The following TPRG1 variants were observed in gnomAD, a reference collection of about 807,000 sequenced individuals.
TPRG1 encodes the protein tumor protein p63-regulated gene 1 protein.
A neutral mutation model predicts 29.3 loss-of-function variants in TPRG1; 29 were observed. The ratio of observed to expected loss-of-function variants is 0.99; its 90% CI spans 0.74 to 1.35. The LOEUF (loss-of-function observed/expected upper bound fraction) is 1.35. Among genes scored for constraint, TPRG1 ranks in the 40% most tolerant of loss-of-function variants. The probability of loss-of-function intolerance (pLI) is 0.00; values close to 1 mark genes in which losing one functional copy is unlikely to be tolerated. For missense variants in TPRG1, 327 were observed against 335.0 expected (o/e 0.98, Z 0.19); for synonymous variants, 130 against 116.8 (o/e 1.11, Z -0.73).
intron 4 of TPRG1, among the ~76,000 whole-genome samples, chr3:189,241,242 C>T (rs1033032064): frequency 2.0e-5 from 3 of 152,116 alleles, no homozygotes; most frequent in Non-Finnish European, 4.4e-5. Flanking sequence ...TTTCCACACA[C>T]CCACACCAAT....
At chr3:189,088,646 T>C (rs892245706) in intron 4 of TPRG1, among the ~76,000 whole-genome samples, 1 of 152,178 alleles carries the variant, frequency 6.6e-6, no homozygotes, top group African/African-American at 2.4e-5. Context: ...TAATAAATCA[T>C]CTATATCTAT....
intron 1 of TPRG1, among the ~76,000 whole-genome samples, chr3:189,203,873 C>T (rs1409955924): frequency 4.6e-5 from 7 of 151,940 alleles, no homozygotes; most frequent in Admixed American, 2.6e-4. Flanking sequence ...AACTCTGTCT[C>T]TACCAAAAAT....
At chr3:189,180,485 A>T (rs1413122213) in intron 1 of TPRG1, among the ~76,000 whole-genome samples, 1 of 152,140 alleles carries the variant, frequency 6.6e-6, no homozygotes, top group African/African-American at 2.4e-5. Context: ...AATGGGAGAA[A>T]TTGGCCAAAA....
intron 3 of TPRG1, among the ~76,000 whole-genome samples, chr3:189,144,465 G>C (rs1159406962): frequency 6.6e-6 from 1 of 152,202 alleles, no homozygotes; most frequent in Non-Finnish European, 1.5e-5. Context: ...GAGGCAGGTG[G>C]TTCTGCTGTC....
chr3:189,128,002 ACCATCTTATAG>A (rs1184041279), intron 2 of TPRG1, among the ~76,000 whole-genome samples: 6 of 152,200 alleles, frequency 3.9e-5, no homozygotes, highest in African/African-American at 1.4e-4. Context: ...GTCTACCAGG[ACCATCTTATAG>A]GTTGTTGCTG....
intron 4 of TPRG1, among the ~76,000 whole-genome samples, chr3:189,287,117 G>A (rs1389522291): frequency 4.6e-5 from 7 of 151,984 alleles, no homozygotes; most frequent in Non-Finnish European, 8.8e-5. Context: ...GCTTGTCACC[G>A]CATGGTTGCA....
At chr3:189,292,042 G>A (rs1719086244) in intron 4 of TPRG1, among the ~76,000 whole-genome samples, 1 of 152,196 alleles carries the variant, frequency 6.6e-6, no homozygotes, top group Non-Finnish European at 1.5e-5. Flanking sequence ...CAGCATTCAA[G>A]CACATAGTAG....
chr3:189,178,832 T>C (rs569348989), intron 1 of TPRG1, among the ~76,000 whole-genome samples: 4 of 152,334 alleles, frequency 2.6e-5, no homozygotes, highest in South Asian at 2.1e-4. Context: ...TAAGGACATT[T>C]TATAAATCTC....
chr3:189,247,120 G>C (rs1054367299), intron 4 of TPRG1, among the ~76,000 whole-genome samples: 2 of 151,724 alleles, frequency 1.3e-5, no homozygotes, highest in African/African-American at 4.8e-5. Context: ...TTCTGATACT[G>C]TCCCACAAGT....
chr3:189,045,188 A>T (rs1398632542), intron 4 of TPRG1, among the ~76,000 whole-genome samples: 1 of 152,240 alleles, frequency 6.6e-6, no homozygotes, highest in African/African-American at 2.4e-5. Context: ...TGGAATGGCA[A>T]TCATGATATT....
Position 189,322,190 on chromosome 3 carries a change from G to C in TPRG1, c.*1370G>C, listed in dbSNP as rs7625527. 1 of 151,792 alleles carries C rather than the reference G, an allele frequency of 6.6e-6. No homozygotes were observed. Among genetic ancestry groups the C allele is most frequent in the Non-Finnish European group, 1.5e-5 (1 of 67,892 alleles). The allele number at this position is 151,792 out of a possible 1,614,324, so 9.4% of individuals were successfully genotyped here. A position where few individuals can be genotyped will look rare whatever the true frequency, so the allele number is the denominator to read the frequency against. On this transcript the variant is annotated 3_prime_UTR_variant, in exon 6 of 6. Transcript: ENST00000345063. Reference sequence around the variant, plus strand: ...ACACATCTTTGTTGATGTTTAAGTTGAAATTCCAGCCAACTTTTTTTTGAC... The same window carrying C: ...ACACATCTTTGTTGATGTTTAAGTTCAAATTCCAGCCAACTTTTTTTTGAC...
chr3:189,217,357 C>A (rs1022836904), intron 3 of TPRG1, among the ~76,000 whole-genome samples: 2 of 152,180 alleles, frequency 1.3e-5, no homozygotes, highest in Non-Finnish European at 2.9e-5. Flanking sequence ...TTACATTTCT[C>A]TTTTGTTTTG....
intron 1 of TPRG1, among the ~76,000 whole-genome samples, chr3:189,109,376 CCAGATGTAATCGCT>C (rs1219407271): frequency 6.6e-6 from 1 of 152,162 alleles, no homozygotes; most frequent in Non-Finnish European, 1.5e-5. Context: ...CCTGGAGTTA[CCAGATGTAATCGCT>C]CATATGTCCT....
chr3:189,035,362 G>C (rs1434358119), intron 4 of TPRG1, among the ~76,000 whole-genome samples: 4 of 152,042 alleles, frequency 2.6e-5, no homozygotes, highest in African/African-American at 9.7e-5. Flanking sequence ...ATATCATTCT[G>C]TACATCACCT....
chr3:189,267,209 G>T (rs1202732641), intron 4 of TPRG1, among the ~76,000 whole-genome samples: 1 of 152,090 alleles, frequency 6.6e-6, no homozygotes, highest in Non-Finnish European at 1.5e-5. Context: ...TATAGCATAG[G>T]AGCAATATAC....
chr3:189,201,207 G>C (rs547705095), intron 1 of TPRG1, among the ~76,000 whole-genome samples: 2 of 152,308 alleles, frequency 1.3e-5, no homozygotes, highest in South Asian at 4.1e-4. Context: ...AGCTGCAATG[G>C]ACTAAGGCAG....
chr3:189,082,398 T>G (rs1717651832), intron 4 of TPRG1, among the ~76,000 whole-genome samples: 1 of 152,216 alleles, frequency 6.6e-6, no homozygotes, highest in African/African-American at 2.4e-5. Context: ...TTGACTGTTT[T>G]TCTTTACTAT....
At chr3:189,159,840 A>G (rs4687022) in intron 5 of TPRG1, among the ~76,000 whole-genome samples, 47,540 of 138,272 alleles carry the variant, frequency 0.34, 7,819 homozygotes, top group South Asian at 0.46. Flanking sequence ...GTGTTTGTGT[A>G]TGTGTGTGTG....
At chr3:189,029,960 C>T (rs975439710) in intron 4 of TPRG1, among the ~76,000 whole-genome samples, 7 of 152,194 alleles carry the variant, frequency 4.6e-5, no homozygotes, top group African/African-American at 1.7e-4. Flanking sequence ...CCTGTACAGC[C>T]TGCAGAACTG....
Sources: allele counts gnomAD v4.1 joint callset (sites outside exome capture counted in the v4.1 genomes callset), GRCh38; gene constraint gnomAD v4.1.1; transcripts MANE v1.5; gene names NCBI Gene and HGNC (gene_info 2026-07-23, HGNC 2026-07-21).